The following ANKFY1 variants were observed in gnomAD, a reference collection of about 807,000 sequenced individuals.
The protein encoded by ANKFY1 is ankyrin repeat and FYVE domain-containing protein 1.
A neutral mutation model predicts 128.3 loss-of-function variants in ANKFY1; 47 were observed. That is an observed-to-expected ratio of 0.37 (90% CI 0.29 to 0.47). The LOEUF is 0.47. ANKFY1 is among the 20% of genes least tolerant of loss of function. The pLI, the probability that ANKFY1 is intolerant of heterozygous loss-of-function variation, is 1.00. For missense variants in ANKFY1, 1,222 were observed against 1,510.6 expected, an observed-to-expected ratio of 0.81 and a Z score of 3.17; for synonymous variants, 553 against 601.6, an observed-to-expected ratio of 0.92 and a Z score of 1.18.
chr17:4,198,781 A>T (rs1265418230), intron 7 of ANKFY1, among the ~76,000 whole-genome samples: 2 of 152,262 alleles, frequency 1.3e-5, no homozygotes, highest in Admixed American at 1.3e-4. Context: ...CAAAAATTTC[A>T]CATGGTAAAT....
At position 4,263,937 on chromosome 17, in the gene ANKFY1, G is replaced by A. The variant is rs1968567696; in HGVS notation, c.5C>T (p.Ala2Val). The A allele has an allele frequency of 3.1e-6, 5 of 1,613,838 alleles. No homozygotes were observed. The highest frequency in any genetic ancestry group is 2.7e-5 in the African/African-American group (2 of 74,936). ...GCTCCACAAAAAAACCCTACCTTCC[G>A]CCATGTCTGGCCCGGCACTGCCTGC... The part of the protein sequence containing the change: M[A>V]EEEVAKLEKH... Residue 2 changes from alanine to valine, a missense_variant, in exon 1 of 25, where the codon GCG becomes GTG. Ala to Val is a moderately conservative substitution (Grantham distance 64). Transcript: ENST00000341657.
At chr17:4,245,585 C>T (rs1328374986) in intron 1 of ANKFY1, among the ~76,000 whole-genome samples, 1 of 151,734 alleles carries the variant, frequency 6.6e-6, no homozygotes, top group Non-Finnish European at 1.5e-5. Flanking sequence ...GCTCAAGCGA[C>T]CCACCTGCCT....
At position 4,204,039 on chromosome 17, in the gene ANKFY1, T is replaced by G. The variant is rs370695307; in HGVS notation, c.898+2282A>C. Among the ~76,000 whole-genome samples the G allele has an allele frequency of 3.9e-5, 6 of 152,172 alleles. No homozygotes were observed. The East Asian group carries it at 1.2e-3, about 29-fold the overall frequency. ...AAGACACTGCCTGCCTGTTCCACTC[T>G]TTAGATAAAATGACTGGTATACTTG... On this transcript the variant is annotated intron_variant, in intron 7 of 24. Coordinates refer to ENST00000341657, the MANE Select transcript of ANKFY1 (RefSeq NM_001330063.2).
At chr17:4,216,892 T>C in intron 4 of ANKFY1, 91 bp downstream of exon 4, 1 of 1,559,036 alleles carries the variant, frequency 6.4e-7, no homozygotes, top group African/African-American at 1.3e-5. Context: ...GTTATTTACA[T>C]TAGCAGAAGA....
intron 16 of ANKFY1, among the ~76,000 whole-genome samples, chr17:4,180,696 G>A (rs1308987136): frequency 2.1e-5 from 3 of 143,770 alleles, no homozygotes; most frequent in Non-Finnish European, 4.5e-5. Context: ...GGCAGAGTTT[G>A]CAGTGAGCCA....
intron 7 of ANKFY1, among the ~76,000 whole-genome samples, chr17:4,203,971 T>G (rs1374584384): frequency 6.6e-6 from 1 of 152,022 alleles, no homozygotes; most frequent in Non-Finnish European, 1.5e-5. Flanking sequence ...TCCAAGGAGA[T>G]GGCATCCCTC....
chr17:4,235,740 A>T, intron 3 of ANKFY1, 32 bp downstream of exon 3: 1 of 1,490,422 alleles, frequency 6.7e-7, no homozygotes, highest in Non-Finnish European at 9.4e-7. Flanking sequence ...TTCCGCTAGC[A>T]GTTTTGTGTC....
At position 4,167,683 on chromosome 17, in the gene ANKFY1, C is replaced by A; in HGVS notation, c.*96G>T. 1 of 1,301,782 alleles carries A rather than the reference C, an allele frequency of 7.7e-7. No individual in the cohort carries two copies. Among genetic ancestry groups the A allele is most frequent in the Non-Finnish European group, 1.0e-6 (1 of 972,352 alleles). 80.6% of individuals were successfully genotyped at this position (1,301,782 alleles called of 1,614,324 possible). The stretch of plus-strand genomic sequence containing the variant: ...TCCAGTCTATTGCCGCAGGAAGACA[C>A]CCGCCAGCTCCTGCTCTGGGTGGGG... On this transcript the variant is annotated 3_prime_UTR_variant, in exon 25 of 25. Coordinates refer to ENST00000341657, the MANE Select transcript of ANKFY1 (RefSeq NM_001330063.2). This position sits in a 1 kb window ranked among gnomAD's most constrained non-coding sequence, Gnocchi z 4.1.
In ANKFY1 at chr17:4,251,759, A is replaced by C. The variant is rs530041172; in HGVS notation, c.11-9311T>G. Reference sequence around the variant, plus strand: ...ATATGTGCAAAACATCCAACAAAAAACGCCTCATTCCCAGCCTGTAATCCC... The same window carrying C: ...ATATGTGCAAAACATCCAACAAAAACCGCCTCATTCCCAGCCTGTAATCCC... On this transcript the variant is annotated intron_variant, in intron 1 of 24. Coordinates refer to ENST00000341657, the MANE Select transcript of ANKFY1 (RefSeq NM_001330063.2). 1.1e-3 allele frequency among the ~76,000 whole-genome samples: 164 copies of C among 152,008 alleles called. 2 individuals carry two copies. Among genetic ancestry groups the C allele is most frequent in the African/African-American group, 3.8e-3 (159 of 41,488 alleles).
chr17:4,228,974 C>T (rs186636200), intron 3 of ANKFY1, among the ~76,000 whole-genome samples: 1 of 152,270 alleles, frequency 6.6e-6, no homozygotes. Flanking sequence ...TAATAAAGCA[C>T]TCAAAACACC....
intron 5 of ANKFY1, among the ~76,000 whole-genome samples, chr17:4,208,846 GT>G: frequency 6.6e-6 from 1 of 152,300 alleles, no homozygotes; most frequent in Non-Finnish European, 1.5e-5. Flanking sequence ...ATCACCTGAG[GT>G]TGGGAGTTTG....
intron 3 of ANKFY1, among the ~76,000 whole-genome samples, chr17:4,224,515 G>A (rs868666058): frequency 2.0e-4 from 30 of 151,998 alleles, no homozygotes; most frequent in Admixed American, 5.2e-4. Flanking sequence ...CTTTTCTTAG[G>A]AAAGGAAAAA....
intron 2 of ANKFY1, among the ~76,000 whole-genome samples, chr17:4,238,030 T>C (rs2143319496): frequency 6.6e-6 from 1 of 151,986 alleles, no homozygotes; most frequent in African/African-American, 2.4e-5. Context: ...ACTGTTCTCC[T>C]GAACTTGAAA....
chr17:4,181,167 A>G lies in ANKFY1; in HGVS notation c.2240+87T>C. The stretch of plus-strand genomic sequence containing the variant: ...AAGTCAAGCCGGCTACTGGCATGCC[A>G]AGACTATAGACGGATTTAAAAAGGA... On this transcript the variant is annotated intron_variant, in intron 16 of 24. Coordinates refer to ENST00000341657, the MANE Select transcript of ANKFY1 (RefSeq NM_001330063.2). The surrounding 1 kb of genome is among the most constrained non-coding windows in gnomAD (Gnocchi z 4.9). 2 of 1,131,876 alleles carry G rather than the reference A, an allele frequency of 1.8e-6. No individual in the cohort carries two copies. The highest frequency in any genetic ancestry group is 2.7e-6 in the Non-Finnish European group (2 of 754,392). The allele number at this position is 1,131,876 out of a possible 1,614,324, so 70.1% of individuals were successfully genotyped here.
chr17:4,225,396 G>C lies in ANKFY1; in HGVS notation c.323-8278C>G, dbSNP rs1272710330. ...TTGCTTCATAGAATTAAAAAATCTT[G>C]GTAGACAGTATCATTTTTATCAATA... is the stretch of plus-strand genomic sequence containing the variant. On this transcript the variant is annotated intron_variant, in intron 3 of 24. Transcript: ENST00000341657. Among the ~76,000 whole-genome samples, 3 of 152,030 alleles carry C rather than the reference G, an allele frequency of 2.0e-5. No individual in the cohort carries two copies. In the East Asian group the frequency reaches 5.8e-4, roughly 29 times the overall value.
Position 4,263,926 on chromosome 17 carries a change from C to A in ANKFY1, c.10+6G>T, listed in dbSNP as rs377561808. On this transcript the variant is annotated splice_donor_region_variant and intron_variant, in intron 1 of 24. Transcript: ENST00000341657. ...CTTCCCGCGCGGCTCCACAAAAAAA[C>A]CCTACCTTCCGCCATGTCTGGCCCG... is the stretch of plus-strand genomic sequence containing the variant. 6.2e-7 allele frequency: 1 copy of A among 1,613,956 alleles called. No homozygotes were observed. Among genetic ancestry groups the A allele is most frequent in the South Asian group, 1.1e-5 (1 of 91,090 alleles).
At chr17:4,195,306 AAT>A in intron 9 of ANKFY1, 95 bp downstream of exon 9, 1 of 1,422,854 alleles carries the variant, frequency 7.0e-7, no homozygotes, top group Non-Finnish European at 9.7e-7. Flanking sequence ...TTAACTTCTT[AAT>A]ATATGCAACA....
intron 1 of ANKFY1, among the ~76,000 whole-genome samples, chr17:4,251,559 C>T (rs1350931912): frequency 7.2e-6 from 1 of 139,318 alleles, no homozygotes; most frequent in Non-Finnish European, 1.6e-5. Context: ...ACAAAAACTA[C>T]AGAACTTCCA....
intron 3 of ANKFY1, chr17:4,223,453 T>G: frequency 8.1e-7 from 1 of 1,231,358 alleles, no homozygotes. Flanking sequence ...ATGACACACT[T>G]CAAGTTAAGA....
Sources: gnomAD v4.1 joint callset for allele counts (sites outside exome capture counted in the v4.1 genomes callset) on GRCh38, gnomAD v4.1.1 for gene constraint, Gnocchi (gnomAD v3.1) non-coding constraint, MANE v1.5 for transcripts, NCBI Gene and HGNC (gene_info 2026-07-23, HGNC 2026-07-21) for gene names.